The following SLC9A8 variants were observed in gnomAD, a reference collection of about 807,000 sequenced individuals.
SLC9A8 encodes solute carrier family 9 member A8, also known as sodium/hydrogen exchanger 8.
A neutral mutation model predicts 66.6 loss-of-function variants in SLC9A8; 48 were observed. The observed-to-expected ratio is 0.72, with a 90% CI of 0.57 to 0.92. SLC9A8 has a LOEUF of 0.92. SLC9A8 is among the 40% of genes least tolerant of loss of function. The probability of loss-of-function intolerance (pLI) is 0.00; values close to 1 mark genes in which losing one functional copy is unlikely to be tolerated. For synonymous variants in SLC9A8, 274 were observed against 282.6 expected, an observed-to-expected ratio of 0.97 and a Z score of 0.31; for missense variants, 599 against 747.3, an observed-to-expected ratio of 0.80 and a Z score of 2.31.
intron 7 of SLC9A8, among the ~76,000 whole-genome samples, chr20:49,851,140 A>G (rs1219957873): frequency 6.6e-6 from 1 of 152,168 alleles, no homozygotes; most frequent in Non-Finnish European, 1.5e-5. Flanking sequence ...GCACGCGTAC[A>G]CTGTACCATT....
Position 49,884,048 on chromosome 20 carries a change from C to T in SLC9A8, c.1473C>T (p.Leu491=). Residue 491 remains leucine (L), a synonymous_variant, in exon 14 of 16, where the codon CTC becomes CTT. Coordinates refer to ENST00000361573, the MANE Select transcript of SLC9A8 (RefSeq NM_015266.3). ...AHRRNKKDVN[L]SKTEKMGNTV... The stretch of plus-strand genomic sequence containing the variant: ...GCAGGAACAAGAAGGACGTCAACCT[C>T]AGCAAGACTGAGAAGATGGTTAGTA... 6.2e-7 allele frequency: 1 copy of T among 1,613,604 alleles called. No individual in the cohort carries two copies. The highest frequency in any genetic ancestry group is 8.5e-7 in the Non-Finnish European group (1 of 1,179,988).
chr20:49,845,755 A>G (rs1600709551), intron 5 of SLC9A8, among the ~76,000 whole-genome samples: 1 of 151,230 alleles, frequency 6.6e-6, no homozygotes, highest in East Asian at 1.9e-4. Flanking sequence ...GAGCAGTGGC[A>G]CTGGCCCCTA....
At chr20:49,834,333 G>GTATATATATATATACTGTA in intron 3 of SLC9A8, among the ~76,000 whole-genome samples, 1 of 80,318 alleles carries the variant, frequency 1.2e-5, no homozygotes, top group Admixed American at 1.3e-4. Flanking sequence ...TATATACTGT[G>GTATATATATATATACTGTA]TATATATATA....
intron 14 of SLC9A8, among the ~76,000 whole-genome samples, chr20:49,885,654 C>T (rs1261140977): frequency 3.3e-5 from 5 of 152,248 alleles, no homozygotes; most frequent in African/African-American, 1.2e-4. Context: ...TGAGGATGAA[C>T]CGCTGAGTTT....
chr20:49,880,263 C>CAAAA (rs3067561), intron 12 of SLC9A8, among the ~76,000 whole-genome samples: 12,459 of 129,156 alleles, frequency 0.096, 968 homozygotes, highest in African/African-American at 0.2. Context: ...GACTTTGTCT[C>CAAAA]AAAAAAAAAA....
At chr20:49,818,818 A>G (rs999808122) in intron 2 of SLC9A8, among the ~76,000 whole-genome samples, 3 of 152,198 alleles carry the variant, frequency 2.0e-5, no homozygotes, top group Non-Finnish European at 4.4e-5. Flanking sequence ...ATGGTGTTTT[A>G]AAAATTGCTG....
At position 49,890,976 on chromosome 20, in the gene SLC9A8, A is replaced by G. The variant is rs993362166; in HGVS notation, c.*3040A>G. 1 of 152,290 alleles carries G rather than the reference A, an allele frequency of 6.6e-6. No homozygotes were observed. The highest frequency in any genetic ancestry group is 2.1e-4 in the South Asian group (1 of 4,832). 9.4% of individuals were successfully genotyped at this position (152,290 alleles called of 1,614,324 possible). ...TCTTAAAACCTTTGGCAAAGGTGCC[A>G]TCGGCAGGGCTTGGCCTCATGAAGT... is the stretch of plus-strand genomic sequence containing the variant. On this transcript the variant is annotated 3_prime_UTR_variant, in exon 16 of 16. Coordinates refer to ENST00000361573, the MANE Select transcript of SLC9A8 (RefSeq NM_015266.3).
chr20:49,859,446 G>T (rs1247042167), intron 8 of SLC9A8, among the ~76,000 whole-genome samples: 1 of 151,758 alleles, frequency 6.6e-6, no homozygotes, highest in African/African-American at 2.4e-5. Flanking sequence ...ATACAGAAAA[G>T]GGGCATGTCA....
rs939931596 is a variant in SLC9A8, at chr20:49,874,848, A to G, written c.1075+27A>G. The G allele has an allele frequency of 5.5e-6, 8 of 1,448,300 alleles. No homozygotes were observed. In the South Asian group the frequency reaches 8.0e-5, roughly 14 times the overall value. 89.7% of individuals were successfully genotyped at this position (1,448,300 alleles called of 1,614,324 possible). A position where few individuals can be genotyped will look rare whatever the true frequency, so the allele number is the denominator to read the frequency against. On this transcript the variant is annotated intron_variant, in intron 11 of 15. Transcript: ENST00000361573. ...TGAGTTCTGCTTCTGTGTGGCCGTG[A>G]GCAGGCCCACCCAGAGCTGATCTTG...
chr20:49,855,313 GTAAT>G (rs1175889193), intron 7 of SLC9A8, 121 bp from the exon 8 acceptor site: 3 of 972,350 alleles, frequency 3.1e-6, no homozygotes, highest in Non-Finnish European at 4.7e-6. Flanking sequence ...GCTACCTTCT[GTAAT>G]TAATTCAGCT....
intron 3 of SLC9A8, among the ~76,000 whole-genome samples, chr20:49,834,684 GTATTTTACAGCGC>G (rs2087460324): frequency 6.6e-6 from 1 of 151,778 alleles, no homozygotes. Flanking sequence ...ATATCACATT[GTATTTTACAGCGC>G]TTCCTAGTAC....
At chr20:49,840,636 C>T (rs1032480508) in intron 4 of SLC9A8, among the ~76,000 whole-genome samples, 75 of 152,106 alleles carry the variant, frequency 4.9e-4, no homozygotes, top group African/African-American at 1.5e-3. Context: ...TGATAAGACA[C>T]ACTTCTGCTG....
Position 49,812,884 on chromosome 20 carries a change from C to T in SLC9A8, c.-39C>T, listed in dbSNP as rs952215349. ...GAAGCAAAAGCGGGTCCTGCTAGCCCCGCGGCTCCGAACTCGGTGGTCCTG... is the reference window on the plus strand; with the variant it reads ...GAAGCAAAAGCGGGTCCTGCTAGCCTCGCGGCTCCGAACTCGGTGGTCCTG... On this transcript the variant is annotated 5_prime_UTR_variant, in exon 1 of 16. Transcript: ENST00000361573. The T allele has an allele frequency of 6.7e-7, 1 of 1,498,190 alleles. No individual in the cohort carries two copies. The highest frequency in any genetic ancestry group is 2.9e-5 in the East Asian group (1 of 34,924). 92.8% of individuals were successfully genotyped at this position (1,498,190 alleles called of 1,614,324 possible). A position where few individuals can be genotyped will look rare whatever the true frequency, so the allele number is the denominator to read the frequency against.
chr20:49,817,327 C>A (rs6012751), intron 2 of SLC9A8, among the ~76,000 whole-genome samples: 1,609 of 151,234 alleles, frequency 0.011, 34 homozygotes, highest in African/African-American at 0.037. Context: ...CCCACCCCCC[C>A]AAAAAAACAA....
intron 8 of SLC9A8, among the ~76,000 whole-genome samples, 171 bp from the exon 9 acceptor site, chr20:49,862,758 T>G (rs2088798385): frequency 6.6e-6 from 1 of 152,146 alleles, no homozygotes; most frequent in South Asian, 2.1e-4. Flanking sequence ...CCCCAGAAAA[T>G]AACAGTACCT....
intron 3 of SLC9A8, chr20:49,830,100 G>A (rs1600662344): frequency 1.3e-6 from 1 of 743,438 alleles, no homozygotes; most frequent in East Asian, 2.8e-5. Context: ...TTCCTGCTAA[G>A]CCAAACAAGC....
At chr20:49,827,197 T>C (rs1447582959) in intron 3 of SLC9A8, among the ~76,000 whole-genome samples, 1 of 151,480 alleles carries the variant, frequency 6.6e-6, no homozygotes, top group African/African-American at 2.4e-5. Flanking sequence ...CTGCCTCGGC[T>C]TCCCAAAGTG....
At chr20:49,873,877 A>G (rs1435481051) in intron 10 of SLC9A8, among the ~76,000 whole-genome samples, 1 of 151,388 alleles carries the variant, frequency 6.6e-6, no homozygotes, top group East Asian at 1.9e-4. Context: ...TTATATAGTC[A>G]TCCCTCAGCA....
chr20:49,828,525 A>G (rs1314088520), intron 3 of SLC9A8, among the ~76,000 whole-genome samples: 1 of 150,810 alleles, frequency 6.6e-6, no homozygotes, highest in Non-Finnish European at 1.5e-5. Flanking sequence ...GCCTGGCCAA[A>G]AAATTGTTTT....
Sources: allele counts gnomAD v4.1 joint callset (sites outside exome capture counted in the v4.1 genomes callset), GRCh38; gene constraint gnomAD v4.1.1; transcripts MANE v1.5; gene names NCBI Gene and HGNC (gene_info 2026-07-23, HGNC 2026-07-21).